Variants in KCP observed in about 807,000 individuals in gnomAD.
KCP encodes the protein kielin cysteine rich BMP regulator.
KCP carries 194 observed loss-of-function variants against 212.7 expected under a neutral mutation model. The observed-to-expected ratio is 0.91, with a 90% CI of 0.81 to 1.03. The LOEUF is 1.03. Ranked by LOEUF, KCP falls within the 50% of genes least tolerant of loss-of-function variation. The pLI is 0.00. For missense variants in KCP, 2,080 were observed against 2,162.5 expected (o/e 0.96, Z 0.76); for synonymous variants, 833 against 865.3 (o/e 0.96, Z 0.65).
rs1794088945 is a variant in KCP, at chr7:128,891,079, C to T, written c.1990G>A (p.Gly664Ser). ...TGGGCCGCGCCGGGCCGTGGGCAGC[C>T]GGCGGGGGCTGGGGCGGCTGCGGCG... ...PQCPAAPAPA[G>S]CPRPGAAHAR... Residue 664 changes from glycine (G) to serine (S), a missense_variant, in exon 20 of 40, where the codon GGC (glycine) becomes AGC (serine). Physicochemically the swap from Gly to Ser is moderately conservative, Grantham distance 56. Coordinates refer to ENST00000610776, the MANE Select transcript of KCP (RefSeq NM_001366122.1). 1.4e-6 allele frequency: 2 copies of T among 1,417,426 alleles called. No individual in the cohort carries two copies. Among genetic ancestry groups the T allele is most frequent in the Non-Finnish European group, 9.1e-7 (1 of 1,092,946 alleles). The allele number at this position is 1,417,426 out of a possible 1,614,324, so 87.8% of individuals were successfully genotyped here.
chr7:128,880,748 G>C, intron 32 of KCP, 27 bp from the exon 33 acceptor site: 1 of 409,672 alleles, frequency 2.4e-6, no homozygotes. Flanking sequence ...TTGTTCTGGG[G>C]TTTTCTGCAG....
rs767490499 is a variant in KCP, at chr7:128,894,024, G to T, written c.957C>A (p.Ser319Arg). 4 of 1,550,076 alleles carry T rather than the reference G, an allele frequency of 2.6e-6. No homozygotes were observed. The highest frequency in any genetic ancestry group is 2.6e-6 in the Non-Finnish European group (3 of 1,146,418). Residue 319 changes from serine (S) to arginine (R), a missense_variant, in exon 10 of 40, where the codon AGC becomes AGA. Ser to Arg is a moderately radical substitution (Grantham distance 110). Coordinates refer to ENST00000610776, the MANE Select transcript of KCP (RefSeq NM_001366122.1). The stretch of plus-strand genomic sequence containing the variant: ...GGTCCCCTGAGCCCACAGGCTCCCC[G>T]CTGCGGTGCTCCCGCCCGTTTAGGA... ...GCFLNGREHR[S>R]GEPVGSGDPC...
At chr7:128,881,194 A>G in intron 31 of KCP, 109 bp from the exon 32 acceptor site, 1 of 398,754 alleles carries the variant, frequency 2.5e-6, no homozygotes, top group Non-Finnish European at 4.4e-6. Context: ...CCGTGTCCCT[A>G]CCACCCTGAT....
intron 8 of KCP, among the ~76,000 whole-genome samples, chr7:128,896,641 C>A (rs747365701): frequency 2.0e-5 from 3 of 151,962 alleles, no homozygotes; most frequent in Non-Finnish European, 2.9e-5. Context: ...ACCTGTAATC[C>A]CAGCACTTTG....
rs1251462911 is a variant in KCP at position 128,884,783 on chromosome 7, C to T, written c.3121G>A (p.Glu1041Lys). 5.8e-6 allele frequency: 9 copies of T among 1,550,938 alleles called. No individual in the cohort carries two copies. The highest frequency in any genetic ancestry group is 4.1e-5 in the African/African-American group (3 of 73,050). Residue 1041 changes from glutamate to lysine, a missense_variant and splice_region_variant, in exon 28 of 40, where the codon GAG (glutamate) becomes AAG (lysine). Glu to Lys is a moderately conservative substitution (Grantham distance 56). Transcript: ENST00000610776. The stretch of plus-strand genomic sequence containing the variant: ...CCCACCACTGTGCCCTCACCTACCT[C>T]GCAGATGCACACTTCACAGGGGTCT... Reference protein sequence around the residue: ...GADPCEVCICEPQPEGPPSLR... With the variant: ...GADPCEVCICKPQPEGPPSLR...
Position 128,910,477 on chromosome 7 carries a change from G to A in KCP, c.76+124C>T, listed in dbSNP as rs1008210632. The A allele has an allele frequency of 9.1e-6, 8 of 879,952 alleles. No individual in the cohort carries two copies. The East Asian group carries it at 1.3e-4, about 14-fold the overall frequency. The allele number at this position is 879,952 out of a possible 1,614,324, so 54.5% of individuals were successfully genotyped here. On this transcript the variant is annotated intron_variant, in intron 1 of 39. Coordinates refer to ENST00000610776, the MANE Select transcript of KCP (RefSeq NM_001366122.1). ...GGGGAGGACGGAGCTGGCCAGGGAG[G>A]CGCGCGAACCTCAGGCAGGGCTAAG...
intron 5 of KCP, 64 bp from the exon 6 acceptor site, chr7:128,904,202 G>T: frequency 6.6e-7 from 1 of 1,524,104 alleles, no homozygotes; most frequent in Non-Finnish European, 8.9e-7. Flanking sequence ...CATCACTTGA[G>T]GTAAGGCATG....
intron 5 of KCP, 61 bp downstream of exon 5, chr7:128,906,218 C>T (rs1247818101): frequency 1.8e-5 from 25 of 1,358,780 alleles, no homozygotes; most frequent in Non-Finnish European, 2.6e-5. Flanking sequence ...AGGTGGCAGG[C>T]TGTGTCTGTG....
chr7:128,889,042 T>G lies in KCP; in HGVS notation c.2336-3A>C. On this transcript the variant is annotated splice_polypyrimidine_tract_variant and splice_region_variant and intron_variant, in intron 21 of 39. Transcript: ENST00000610776. ...GGACTCCCCCAGGTACTCACAGCCT[T>G]TCAGAGAAGAGACAGAGAGGCCGAG... is the stretch of plus-strand genomic sequence containing the variant. The G allele has an allele frequency of 6.7e-7, 1 of 1,488,994 alleles. No homozygotes were observed. The highest frequency in any genetic ancestry group is 9.0e-7 in the Non-Finnish European group (1 of 1,114,444). The allele number at this position is 1,488,994 out of a possible 1,614,324, so 92.2% of individuals were successfully genotyped here. A position where few individuals can be genotyped will look rare whatever the true frequency, so the allele number is the denominator to read the frequency against.
chr7:128,877,217 C>A lies in KCP; in HGVS notation c.4713G>T (p.Glu1571Asp). Residue 1571 changes from glutamate to aspartate, a missense_variant, in exon 40 of 40, where the codon GAG (glutamate) becomes GAT (aspartate). Glu to Asp is a conservative substitution (Grantham distance 45). Coordinates refer to ENST00000610776, the MANE Select transcript of KCP (RefSeq NM_001366122.1). ...TCFNQHIPLG[E>D]LAAHCVRPCV... ...AGGGCCTCACGCAGTGGGCTGCCAGCTCCCCCAGGGGGATATGCTGATTGA... is the reference window on the plus strand; with the variant it reads ...AGGGCCTCACGCAGTGGGCTGCCAGATCCCCCAGGGGGATATGCTGATTGA... The A allele has an allele frequency of 6.8e-7, 1 of 1,479,344 alleles. No individual in the cohort carries two copies. The allele number at this position is 1,479,344 out of a possible 1,614,324, so 91.6% of individuals were successfully genotyped here. A position where few individuals can be genotyped will look rare whatever the true frequency, so the allele number is the denominator to read the frequency against.
At position 128,892,868 on chromosome 7, in the gene KCP, C is replaced by G. The variant is rs555649880; in HGVS notation, c.1420+1G>C. 16 of 1,550,940 alleles carry G rather than the reference C, an allele frequency of 1.0e-5. No homozygotes were observed. In the South Asian group the frequency reaches 1.7e-4, roughly 16 times the overall value. ...AAGCCAGGATCAGCCCAGGCACTCA[C>G]CAGGGGGCTGGGTGGGGTGCTGGCA... On this transcript the variant is annotated splice_donor_variant, in intron 14 of 39. Coordinates refer to ENST00000610776, the MANE Select transcript of KCP (RefSeq NM_001366122.1). LOFTEE classifies it high-confidence loss of function.
At chr7:128,910,473 G>T (rs1795373297) in intron 1 of KCP, 128 bp downstream of exon 1, 11 of 846,778 alleles carry the variant, frequency 1.3e-5, no homozygotes, top group Non-Finnish European at 1.9e-5. Flanking sequence ...AGCTGGCCAG[G>T]GAGGCGCGCG....
chr7:128,881,532 A>G (rs1793333524), intron 31 of KCP, 94 bp downstream of exon 31: 5 of 827,160 alleles, frequency 6.0e-6, no homozygotes, highest in Admixed American at 7.1e-5. Context: ...CCGAGTACAA[A>G]CCCTGGGCTG....
intron 22 of KCP, among the ~76,000 whole-genome samples, chr7:128,888,063 CACAG>C (rs1297013744): frequency 1.4e-5 from 2 of 138,692 alleles, no homozygotes; most frequent in Non-Finnish European, 3.1e-5. Context: ...ATCCCACATA[CACAG>C]ACACAAATAC....
Position 128,889,034 on chromosome 7 carries a change from C to G in KCP, c.2341G>C (p.Glu781Gln). 1 of 1,498,988 alleles carries G rather than the reference C, an allele frequency of 6.7e-7. No individual in the cohort carries two copies. Among genetic ancestry groups the G allele is most frequent in the Non-Finnish European group, 8.9e-7 (1 of 1,119,560 alleles). 92.9% of individuals were successfully genotyped at this position (1,498,988 alleles called of 1,614,324 possible). ...CTCAGGTAGGACTCCCCCAGGTACTCACAGCCTTTCAGAGAAGAGACAGAG... is the reference window on the plus strand; with the variant it reads ...CTCAGGTAGGACTCCCCCAGGTACTGACAGCCTTTCAGAGAAGAGACAGAG... ...GDCCPDCDGC[E>Q]YLGESYLSNQ... The change falls in exon 22 of 40, where the codon GAG (glutamate) becomes CAG (glutamine). Residue 781 changes from glutamate (E) to glutamine (Q), a missense_variant. Transcript: ENST00000610776.
rs543174203 is a variant in KCP, at chr7:128,881,859, C to T, written c.3324+78G>A. 7.4e-4 allele frequency: 1,065 copies of T among 1,439,336 alleles called. 10 individuals carry two copies. The South Asian group carries it at 0.012, about 16-fold the overall frequency. The allele number at this position is 1,439,336 out of a possible 1,614,324, so 89.2% of individuals were successfully genotyped here. On this transcript the variant is annotated intron_variant, in intron 30 of 39. Transcript: ENST00000610776. Reference sequence around the variant, plus strand: ...CGAATGGAGAGCCCTGGAGCTGCTGCGGGAGAGGAGTGGCAGCCACAGCCC... The same window carrying T: ...CGAATGGAGAGCCCTGGAGCTGCTGTGGGAGAGGAGTGGCAGCCACAGCCC...
intron 23 of KCP, 47 bp downstream of exon 23, chr7:128,887,168 G>C (rs907431976): frequency 2.0e-6 from 3 of 1,478,676 alleles, no homozygotes; most frequent in East Asian, 2.5e-5. Context: ...CCAGAGAGGA[G>C]TATCAAGGGA....
Position 128,877,264 on chromosome 7 carries a change from G to A in KCP, c.4666C>T (p.Pro1556Ser). The A allele has an allele frequency of 1.3e-6, 2 of 1,501,286 alleles. No homozygotes were observed. The highest frequency in any genetic ancestry group is 1.8e-6 in the Non-Finnish European group (2 of 1,127,316). The allele number at this position is 1,501,286 out of a possible 1,614,324, so 93.0% of individuals were successfully genotyped here. The change falls in exon 40 of 40, where the codon CCA becomes TCA. Residue 1556 changes from proline to serine, a missense_variant. Coordinates refer to ENST00000610776, the MANE Select transcript of KCP (RefSeq NM_001366122.1). ...ERGFVFDECG[P>S]PCPRTCFNQH... ...TTGAAGCAGGTGCGGGGACAGGGTG[G>A]GCCGCACTCATCAAACACGAAGCCA...
chr7:128,881,012 G>C lies in KCP; in HGVS notation c.3498C>G (p.Ile1166Met). The change falls in exon 32 of 40, where the codon ATC becomes ATG. Residue 1166 changes from isoleucine (I) to methionine (M), a missense_variant. Transcript: ENST00000610776. ...CCCAGCTCACATGGCAGGTGCAGGC[G>C]ATGCACGCATTGCTGGGGTCCCGCC... ...ESWRDPSNACIACTCHRGHVE... is the reference protein window; with the variant it reads ...ESWRDPSNACMACTCHRGHVE... 1 of 398,970 alleles carries C rather than the reference G, an allele frequency of 2.5e-6. No individual in the cohort carries two copies. The highest frequency in any genetic ancestry group is 4.4e-6 in the Non-Finnish European group (1 of 226,352). 24.7% of individuals were successfully genotyped at this position (398,970 alleles called of 1,614,324 possible). A position where few individuals can be genotyped will look rare whatever the true frequency, so the allele number is the denominator to read the frequency against.
Sources: gnomAD v4.1 joint callset for allele counts (sites outside exome capture counted in the v4.1 genomes callset) on GRCh38, gnomAD v4.1.1 for gene constraint, MANE v1.5 for transcripts, NCBI Gene and HGNC (gene_info 2026-07-23, HGNC 2026-07-21) for gene names.